Variants in CDK1 observed in about 807,000 individuals in gnomAD.
CDK1 encodes cyclin dependent kinase 1.
A neutral mutation model predicts 34.6 loss-of-function variants in CDK1; 5 were observed. That is an observed-to-expected ratio of 0.14 (90% CI 0.08 to 0.30). The LOEUF (loss-of-function observed/expected upper bound fraction) is 0.30, where lower values mean the gene tolerates loss of function less well. CDK1 is among the 10% of genes least tolerant of loss of function. The pLI is 1.00. For missense variants in CDK1, 157 were observed against 345.7 expected, an observed-to-expected ratio of 0.45 and a Z score of 4.33; for synonymous variants, 108 against 114.7, an observed-to-expected ratio of 0.94 and a Z score of 0.37.
chr10:60,785,697 A>G lies in CDK1; in HGVS notation c.228A>G (p.Leu76=), dbSNP rs148632129. ...ATGTGCTTATGCAGGATTCCAGGTT[A>G]TATCTCATCTTTGAGTTTCTTTCCA... ...LQDVLMQDSR[L]YLIFEFLSMD... Residue 76 remains leucine (L), a synonymous_variant, in exon 4 of 8, where the codon TTA becomes TTG. Coordinates refer to ENST00000395284, the MANE Select transcript of CDK1 (RefSeq NM_001786.5). The G allele has an allele frequency of 1.2e-4, 186 of 1,610,432 alleles. 1 individual carries two copies. The African/African-American group carries it at 2.3e-3, about 20-fold the overall frequency.
At chr10:60,786,830 T>G (rs1327553631) in intron 4 of CDK1, 1 of 949,018 alleles carries the variant, frequency 1.1e-6, no homozygotes, top group East Asian at 1.2e-4. Context: ...ATAAACCGCC[T>G]ATATTTTCGT....
At chr10:60,792,488 GT>G (rs983103887) in intron 7 of CDK1, among the ~76,000 whole-genome samples, 199 bp downstream of exon 7, 1 of 152,034 alleles carries the variant, frequency 6.6e-6, no homozygotes, top group African/African-American at 2.4e-5. Context: ...ATTAGTTTTT[GT>G]TTTTTATCTG....
Position 60,793,112 on chromosome 10 carries a change from G to A in CDK1, c.796-765G>A, listed in dbSNP as rs2080372696. Among the ~76,000 whole-genome samples, 3 of 151,974 alleles carry A rather than the reference G, an allele frequency of 2.0e-5. No individual in the cohort carries two copies. The South Asian group carries it at 6.2e-4, about 32-fold the overall frequency. On this transcript the variant is annotated intron_variant, in intron 7 of 7. Coordinates refer to ENST00000395284, the MANE Select transcript of CDK1 (RefSeq NM_001786.5). The stretch of plus-strand genomic sequence containing the variant: ...AATTTGAGCTTTATTCCTTAGCTCT[G>A]GGAACTTGGGCAAGTTACTTCCCTT...
intron 2 of CDK1, among the ~76,000 whole-genome samples, chr10:60,784,262 GA>G (rs1287878589): frequency 1.3e-5 from 2 of 152,180 alleles, no homozygotes; most frequent in African/African-American, 4.8e-5. Flanking sequence ...ATGAGGGTAT[GA>G]GTAAGATACT....
Position 60,794,523 on chromosome 10 carries a change from G to C in CDK1, c.*548G>C, listed in dbSNP as rs1318219443. ...TTTGAGAAATGATGCTAAATTTATA[G>C]GAGTTTTCAGTAACTTAAAAAGCTA... On this transcript the variant is annotated 3_prime_UTR_variant, in exon 8 of 8. Transcript: ENST00000395284. The C allele has an allele frequency of 2.5e-5, 2 of 79,476 alleles. No homozygotes were observed. Among genetic ancestry groups the C allele is most frequent in the African/African-American group, 7.6e-5 (2 of 26,394 alleles). The allele number at this position is 79,476 out of a possible 1,614,324, so 4.9% of individuals were successfully genotyped here.
intron 5 of CDK1, 73 bp from the exon 6 acceptor site, chr10:60,791,815 TAA>T: frequency 1.3e-6 from 1 of 762,414 alleles, no homozygotes; most frequent in South Asian, 1.9e-5. Context: ...ACAGCCCTAA[TAA>T]AAATATAAAT....
At chr10:60,790,284 C>A (rs190327506) in intron 5 of CDK1, among the ~76,000 whole-genome samples, 6 of 152,256 alleles carry the variant, frequency 3.9e-5, no homozygotes, top group African/African-American at 1.2e-4. Context: ...TTCTCTGTCA[C>A]CCATGCTGGA....
chr10:60,780,545 AAT>A (rs1214532245), intron 2 of CDK1, among the ~76,000 whole-genome samples: 2 of 152,116 alleles, frequency 1.3e-5, no homozygotes, highest in Non-Finnish European at 2.9e-5. Flanking sequence ...CTAACTTCAT[AAT>A]ATATTTTTAG....
At chr10:60,786,048 C>T (rs2080312887) in intron 4 of CDK1, 1 of 1,073,618 alleles carries the variant, frequency 9.3e-7, no homozygotes, top group East Asian at 6.1e-5. Flanking sequence ...GTAGTCTGGT[C>T]TTTCTTTGGC....
chr10:60,778,855 T>C (rs2080246775), intron 1 of CDK1, among the ~76,000 whole-genome samples: 1 of 152,216 alleles, frequency 6.6e-6, no homozygotes, highest in African/African-American at 2.4e-5. Flanking sequence ...TCGGCTGTTC[T>C]CAGGAACTGC....
In CDK1 at chr10:60,785,772, T is replaced by C. The variant is rs2080310588; in HGVS notation, c.303T>C (p.Asp101=). Residue 101 remains aspartate (D), a synonymous_variant, in exon 4 of 8, where the codon GAT becomes GAC. Transcript: ENST00000395284. ...CTATCCCTCCTGGTCAGTACATGGA[T>C]TCTTCACTTGTTAAGGTAAAAGCTT... ...LDSIPPGQYM[D]SSLVKSYLYQ... 3.8e-6 allele frequency: 6 copies of C among 1,594,186 alleles called. No homozygotes were observed. In the Middle Eastern group the frequency reaches 8.4e-4, roughly 222 times the overall value.
intron 1 of CDK1, among the ~76,000 whole-genome samples, chr10:60,779,912 A>G (rs1248858982): frequency 6.6e-6 from 1 of 152,200 alleles, no homozygotes; most frequent in Non-Finnish European, 1.5e-5. Flanking sequence ...GCTAAATACT[A>G]CACTAGTATA....
chr10:60,785,625 G>A lies in CDK1; in HGVS notation c.195-39G>A, dbSNP rs2080309338. On this transcript the variant is annotated intron_variant, in intron 3 of 7. Coordinates refer to ENST00000395284, the MANE Select transcript of CDK1 (RefSeq NM_001786.5). Reference sequence around the variant, plus strand: ...ATTTTGTGAAACAGAGGTCAAAAATGTTTGCTGGATTCTTCTCTCATATAT... The same window carrying A: ...ATTTTGTGAAACAGAGGTCAAAAATATTTGCTGGATTCTTCTCTCATATAT... 3.0e-6 allele frequency: 4 copies of A among 1,332,006 alleles called. No individual in the cohort carries two copies. In the African/African-American group the frequency reaches 5.9e-5, roughly 20 times the overall value. The allele number at this position is 1,332,006 out of a possible 1,614,324, so 82.5% of individuals were successfully genotyped here. A position where few individuals can be genotyped will look rare whatever the true frequency, so the allele number is the denominator to read the frequency against.
At chr10:60,790,762 A>G (rs751512117) in intron 5 of CDK1, among the ~76,000 whole-genome samples, 58 of 152,280 alleles carry the variant, frequency 3.8e-4, no homozygotes, top group Non-Finnish European at 6.2e-4. Context: ...CAGTTTTTCC[A>G]GCACCATTTA....
chr10:60,783,726 C>T (rs982144662), intron 2 of CDK1: 7 of 152,146 alleles, frequency 4.6e-5, no homozygotes, highest in African/African-American at 1.4e-4. Flanking sequence ...CCATTTCATT[C>T]CCTGTATCCA....
chr10:60,780,089 A>T (rs1436138255), intron 1 of CDK1, 52 bp from the exon 2 acceptor site: 6 of 859,880 alleles, frequency 7.0e-6, no homozygotes, highest in Non-Finnish European at 1.0e-5. Flanking sequence ...TTAATGCTTA[A>T]AACTACTCGA....
chr10:60,782,462 T>C (rs1041949452), intron 2 of CDK1, among the ~76,000 whole-genome samples: 1 of 152,156 alleles, frequency 6.6e-6, no homozygotes, highest in African/African-American at 2.4e-5. Context: ...GTGATACTAA[T>C]CTTTGAAATC....
intron 2 of CDK1, among the ~76,000 whole-genome samples, chr10:60,781,236 T>C (rs914021108): frequency 4.6e-5 from 7 of 152,102 alleles, no homozygotes; most frequent in Non-Finnish European, 5.9e-5. Context: ...TATAAATATA[T>C]TTTTCTTTAA....
chr10:60,785,170 T>C (rs2080305039), intron 3 of CDK1, among the ~76,000 whole-genome samples: 1 of 152,158 alleles, frequency 6.6e-6, no homozygotes, highest in South Asian at 2.1e-4. Context: ...GGAGCTCTAG[T>C]TCCTGAAGAC....
Sources: gnomAD v4.1 joint callset for allele counts (sites outside exome capture counted in the v4.1 genomes callset) on GRCh38, gnomAD v4.1.1 for gene constraint, MANE v1.5 for transcripts, NCBI Gene and HGNC (gene_info 2026-07-23, HGNC 2026-07-21) for gene names.